Variants in DYNC2I1 observed in about 807,000 individuals in gnomAD.
The protein encoded by DYNC2I1 is cytoplasmic dynein 2 intermediate chain 1.
Under a neutral mutation model 133.4 loss-of-function variants are expected in DYNC2I1, and 89 were observed. The ratio of observed to expected loss-of-function variants is 0.67; its 90% confidence interval spans 0.56 to 0.80. The LOEUF (loss-of-function observed/expected upper bound fraction) is 0.80, where lower values mean the gene tolerates loss of function less well. DYNC2I1 is among the 30% of genes least tolerant of loss of function. DYNC2I1 has a pLI of 0.00. For synonymous variants in DYNC2I1, 504 were observed against 484.3 expected, an observed-to-expected ratio of 1.04 and a Z score of -0.54; for missense variants, 1,291 against 1,314.5, an observed-to-expected ratio of 0.98 and a Z score of 0.28.
At chr7:158,876,837 G>C in intron 4 of DYNC2I1, 146 bp downstream of exon 4, 1 of 1,051,662 alleles carries the variant, frequency 9.5e-7, no homozygotes, top group Non-Finnish European at 1.3e-6. Context: ...TGTATAGTCA[G>C]TTTCTTTCTC....
At chr7:158,883,808 C>T (rs1216037342) in intron 5 of DYNC2I1, among the ~76,000 whole-genome samples, 33 of 148,880 alleles carry the variant, frequency 2.2e-4, no homozygotes, top group African/African-American at 6.4e-4. Flanking sequence ...GGACTACAGG[C>T]GCCCGCCACC....
At chr7:158,903,798 T>G (rs2129483759) in intron 10 of DYNC2I1, 1 of 152,366 alleles carries the variant, frequency 6.6e-6, no homozygotes, top group Non-Finnish European at 1.5e-5. Context: ...GAGCAGGATT[T>G]TATTCTTAAC....
intron 3 of DYNC2I1, among the ~76,000 whole-genome samples, chr7:158,874,676 C>T (rs193275981): frequency 2.0e-4 from 30 of 152,332 alleles, no homozygotes; most frequent in Admixed American, 5.2e-4. Flanking sequence ...CCCCAGGCCT[C>T]CTCTCCAGCA....
intron 1 of DYNC2I1, among the ~76,000 whole-genome samples, chr7:158,860,352 C>G (rs1841764261): frequency 1.3e-5 from 2 of 152,222 alleles, no homozygotes. Flanking sequence ...AGCCATCTCA[C>G]CCCGCTGGTA....
chr7:158,850,467 C>G, the DYNC2I1 span, among the ~76,000 whole-genome samples: 1 of 152,362 alleles, frequency 6.6e-6, no homozygotes, highest in East Asian at 1.9e-4. Flanking sequence ...GTGGCTCCAA[C>G]CAGCTCCACG....
At chr7:158,890,513 T>C (rs1411823331) in intron 7 of DYNC2I1, among the ~76,000 whole-genome samples, 2 of 152,166 alleles carry the variant, frequency 1.3e-5, no homozygotes, top group African/African-American at 2.4e-5. Flanking sequence ...TCTGGACACA[T>C]GGGAAGTTCT....
chr7:158,945,624 G>A lies in DYNC2I1; in HGVS notation c.3046G>A (p.Gly1016Ser). The change falls in exon 25 of 25, where the codon GGC (glycine) becomes AGC (serine). Residue 1016 changes from glycine (G) to serine (S), a missense_variant. Gly to Ser is a moderately conservative substitution (Grantham distance 56). Transcript: ENST00000407559. This position sits in a 1 kb window ranked among gnomAD's most constrained non-coding sequence, Gnocchi z 4.1. The stretch of plus-strand genomic sequence containing the variant: ...GGTGGGTGAGCCTGAGAAGGCTGGT[G>A]GCAGCTTCCTGGCCCTGGTGCTGGC... ...AAVGEPEKAG[G>S]SFLALVLARA... The A allele has an allele frequency of 6.2e-7, 1 of 1,610,878 alleles. No individual in the cohort carries two copies. The highest frequency in any genetic ancestry group is 1.3e-5 in the African/African-American group (1 of 74,982).
Position 158,934,142 on chromosome 7 carries a change from G to T in DYNC2I1, c.2560G>T (p.Gly854Cys), listed in dbSNP as rs1585224304. Reference protein sequence around the residue: ...IQLGDSLSHKGNEFWGTTQTL... With the variant: ...IQLGDSLSHKCNEFWGTTQTL... The stretch of plus-strand genomic sequence containing the variant: ...TTATTTTTTCAGTCTTTCCCATAAA[G>T]GTAATGAATTTTGGGGCACTACACA... The change falls in exon 22 of 25, where the codon GGT becomes TGT. Residue 854 changes from glycine (G) to cysteine (C), a missense_variant. Transcript: ENST00000407559. 6.2e-7 allele frequency: 1 copy of T among 1,609,812 alleles called. No homozygotes were observed. Among genetic ancestry groups the T allele is most frequent in the African/African-American group, 1.3e-5 (1 of 74,828 alleles).
chr7:158,842,268 C>T, the DYNC2I1 span, among the ~76,000 whole-genome samples: 3 of 152,172 alleles, frequency 2.0e-5, no homozygotes, highest in African/African-American at 7.2e-5. Flanking sequence ...ACCTTGTGAT[C>T]CACCTGCCTC....
chr7:158,943,007 A>G (rs953919016), intron 24 of DYNC2I1, among the ~76,000 whole-genome samples: 2 of 151,856 alleles, frequency 1.3e-5, no homozygotes, highest in African/African-American at 4.8e-5. Flanking sequence ...TTTTTTCTTG[A>G]GATTTTTACA....
intron 10 of DYNC2I1, among the ~76,000 whole-genome samples, chr7:158,905,619 T>C (rs1003373072): frequency 8.5e-5 from 13 of 152,248 alleles, no homozygotes; most frequent in African/African-American, 3.1e-4. Flanking sequence ...TGTTTCTGTT[T>C]TTTAGCAATT....
chr7:158,910,792 G>T (rs975576085), intron 11 of DYNC2I1, among the ~76,000 whole-genome samples: 9 of 148,872 alleles, frequency 6.0e-5, no homozygotes, highest in African/African-American at 2.3e-4. Context: ...AGGCCTGTGT[G>T]CGCAGGGCGA....
At chr7:158,849,033 A>G in the DYNC2I1 span, among the ~76,000 whole-genome samples, 2 of 152,324 alleles carry the variant, frequency 1.3e-5, no homozygotes, top group Admixed American at 1.3e-4. Flanking sequence ...TTTTAAGAGA[A>G]ATCAAAAGGC....
chr7:158,840,871 G>A, the DYNC2I1 span, among the ~76,000 whole-genome samples: 1 of 152,024 alleles, frequency 6.6e-6, no homozygotes, highest in South Asian at 2.1e-4. Context: ...GCTTCATCAG[G>A]AACCACGGCC....
chr7:158,840,878 G>A, the DYNC2I1 span, among the ~76,000 whole-genome samples: 1 of 152,044 alleles, frequency 6.6e-6, no homozygotes, highest in East Asian at 1.9e-4. Context: ...CAGGAACCAC[G>A]GCCAGCCCAC....
chr7:158,934,391 A>C (rs1224328480), intron 22 of DYNC2I1, 27 bp from the exon 23 acceptor site: 2 of 1,599,752 alleles, frequency 1.3e-6, no homozygotes, highest in Non-Finnish European at 8.5e-7. Flanking sequence ...GCACTCGTTC[A>C]GTCACTCTTG....
rs1430808959 is a variant in DYNC2I1, at chr7:158,879,672, C to T, written c.574-12C>T. 1.2e-5 allele frequency: 18 copies of T among 1,556,324 alleles called. No individual in the cohort carries two copies. The East Asian group carries it at 1.3e-4, about 12-fold the overall frequency. On this transcript the variant is annotated splice_polypyrimidine_tract_variant and intron_variant, in intron 4 of 24. Transcript: ENST00000407559. ...TGTGCTCCTGTGTTTCTCAGCTTGT[C>T]GTGTTTTACAGCTGCAGTACGGAGA...
Position 158,922,502 on chromosome 7 carries a change from A to G in DYNC2I1, c.2047A>G (p.Ile683Val). 2 of 1,613,862 alleles carry G rather than the reference A, an allele frequency of 1.2e-6. No individual in the cohort carries two copies. Among genetic ancestry groups the G allele is most frequent in the Non-Finnish European group, 1.7e-6 (2 of 1,179,888 alleles). ...DSKYVLCVWDIWQPSGPQKVL... is the reference protein window; with the variant it reads ...DSKYVLCVWDVWQPSGPQKVL... ...CAAATACGTCCTCTGTGTGTGGGATATTTGGCAGCCTTCAGGGCCACAGAA... is the reference window on the plus strand; with the variant it reads ...CAAATACGTCCTCTGTGTGTGGGATGTTTGGCAGCCTTCAGGGCCACAGAA... Residue 683 changes from isoleucine (I) to valine (V), a missense_variant, in exon 16 of 25, where the codon ATT becomes GTT. Coordinates refer to ENST00000407559, the MANE Select transcript of DYNC2I1 (RefSeq NM_018051.5).
chr7:158,900,185 G>A (rs1271374333), intron 8 of DYNC2I1, among the ~76,000 whole-genome samples: 1 of 150,264 alleles, frequency 6.7e-6, no homozygotes, highest in Non-Finnish European at 1.5e-5. Flanking sequence ...GCAATGGTGC[G>A]ATCTCAGCTC....
Sources: allele counts gnomAD v4.1 joint callset (sites outside exome capture counted in the v4.1 genomes callset), GRCh38; gene constraint gnomAD v4.1.1; non-coding constraint Gnocchi (gnomAD v3.1); transcripts MANE v1.5; gene names NCBI Gene and HGNC (gene_info 2026-07-23, HGNC 2026-07-21).